TBC1D14: variants seen among roughly 807,000 people sequenced by gnomAD.
The protein encoded by TBC1D14 is TBC1 domain family member 14.
TBC1D14 carries 26 observed loss-of-function variants against 79.0 expected under a neutral mutation model. The ratio of observed to expected loss-of-function variants is 0.33; its 90% CI spans 0.24 to 0.46. TBC1D14 has a LOEUF of 0.46. TBC1D14 is among the 20% of genes least tolerant of loss of function. The pLI, the probability that TBC1D14 is intolerant of heterozygous loss-of-function variation, is 1.00. For missense variants in TBC1D14, 769 were observed against 887.6 expected, an observed-to-expected ratio of 0.87 and a Z score of 1.70; for synonymous variants, 394 against 349.9, an observed-to-expected ratio of 1.13 and a Z score of -1.40.
intron 7 of TBC1D14, among the ~76,000 whole-genome samples, chr4:7,003,779 A>G (rs936356923): frequency 5.9e-5 from 9 of 151,930 alleles, no homozygotes; most frequent in Admixed American, 1.3e-4. Flanking sequence ...GCAGGGGGGA[A>G]TCACCTGAGG....
In TBC1D14 at chr4:7,002,495, G is replaced by A. The variant is rs374165326; in HGVS notation, c.1270+1244G>A. Among the ~76,000 whole-genome samples the A allele has an allele frequency of 4.6e-5, 7 of 152,264 alleles. No homozygotes were observed. The South Asian group carries it at 1.5e-3, about 32-fold the overall frequency. On this transcript the variant is annotated intron_variant, in intron 7 of 13. Transcript: ENST00000409757. ...GTATTGTTTTGGATTGGGCTAAACC[G>A]CTGACGAGTCAGTTACATGTTTAGA...
intron 3 of TBC1D14, among the ~76,000 whole-genome samples, chr4:6,976,754 G>A (rs557099831): frequency 6.6e-6 from 1 of 152,238 alleles, no homozygotes; most frequent in African/African-American, 2.4e-5. Context: ...AAATACAGTA[G>A]ACTATTTTCC....
intron 2 of TBC1D14, among the ~76,000 whole-genome samples, chr4:6,960,358 C>T (rs996646978): frequency 2.0e-5 from 3 of 151,786 alleles, no homozygotes; most frequent in African/African-American, 7.3e-5. Flanking sequence ...TCCCAACATG[C>T]TGGGATAACA....
intron 6 of TBC1D14, among the ~76,000 whole-genome samples, chr4:6,999,429 C>T (rs1019438730): frequency 6.6e-6 from 1 of 152,102 alleles, no homozygotes; most frequent in Non-Finnish European, 1.5e-5. Flanking sequence ...TCTCCTGAGC[C>T]AGCTTCTAAA....
At chr4:6,935,267 T>TTTTG (rs754480416) in intron 2 of TBC1D14, among the ~76,000 whole-genome samples, 4 of 151,104 alleles carry the variant, frequency 2.6e-5, no homozygotes, top group East Asian at 1.9e-4. Flanking sequence ...AAATACAGGG[T>TTTTG]TTTGTTTGTT....
rs370372123 is a variant in TBC1D14 at position 6,995,904 on chromosome 4, TC to T, written c.963-420del. ...CAGGCTGGAGTGCAGTGGCGCGATCTCAGCTCACTGCAAGCTCCGCCTCCTG... is the reference window on the plus strand; with the variant it reads ...CAGGCTGGAGTGCAGTGGCGCGATCTAGCTCACTGCAAGCTCCGCCTCCTG... On this transcript the variant is annotated intron_variant, in intron 4 of 13. Coordinates refer to ENST00000409757, the MANE Select transcript of TBC1D14 (RefSeq NM_020773.3). Among the ~76,000 whole-genome samples the T allele has an allele frequency of 1.9e-4, 29 of 152,098 alleles. No homozygotes were observed. In the East Asian group the frequency reaches 5.2e-3, roughly 27 times the overall value.
At chr4:6,991,553 C>G (rs1334736819) in intron 3 of TBC1D14, among the ~76,000 whole-genome samples, 1 of 152,252 alleles carries the variant, frequency 6.6e-6, no homozygotes, top group Non-Finnish European at 1.5e-5. Flanking sequence ...CTCAGGTAGC[C>G]TGCATCCCTG....
intron 2 of TBC1D14, among the ~76,000 whole-genome samples, chr4:6,933,346 C>T (rs2108953464): frequency 7.1e-6 from 1 of 140,916 alleles, no homozygotes; most frequent in South Asian, 2.4e-4. Flanking sequence ...GCTTTGTCGC[C>T]CAGGCTGGAT....
intron 13 of TBC1D14, among the ~76,000 whole-genome samples, chr4:7,028,040 C>G (rs1454100018): frequency 6.9e-6 from 1 of 145,722 alleles, no homozygotes; most frequent in Admixed American, 6.9e-5. Flanking sequence ...GCACACATCA[C>G]ACACCTACAC....
rs1158222532 is a variant in TBC1D14 at position 7,028,682 on chromosome 4, C to T, written c.2017-1645C>T. 3.3e-5 allele frequency among the ~76,000 whole-genome samples: 5 copies of T among 152,306 alleles called. No homozygotes were observed. The East Asian group carries it at 5.8e-4, about 18-fold the overall frequency. On this transcript the variant is annotated intron_variant, in intron 13 of 13. Coordinates refer to ENST00000409757, the MANE Select transcript of TBC1D14 (RefSeq NM_020773.3). Reference sequence around the variant, plus strand: ...CCTCGCGATCCACCTACCTCAGCCTCCCAAAGTGCTGGGATTATAGGCGTG... The same window carrying T: ...CCTCGCGATCCACCTACCTCAGCCTTCCAAAGTGCTGGGATTATAGGCGTG...
intron 5 of TBC1D14, among the ~76,000 whole-genome samples, chr4:6,998,401 G>T (rs1719291797): frequency 6.6e-6 from 1 of 151,842 alleles, no homozygotes; most frequent in South Asian, 2.1e-4. Flanking sequence ...TTGGAAGTCA[G>T]CATGGAGCTT....
intron 3 of TBC1D14, among the ~76,000 whole-genome samples, chr4:6,990,390 A>G (rs1477545172): frequency 2.0e-5 from 3 of 152,358 alleles, no homozygotes; most frequent in Non-Finnish European, 4.4e-5. Context: ...CAGAGGTTGC[A>G]GTGAGCCAAG....
intron 7 of TBC1D14, among the ~76,000 whole-genome samples, chr4:7,001,959 G>T (rs563292689): frequency 6.6e-6 from 1 of 152,326 alleles, no homozygotes; most frequent in African/African-American, 2.4e-5. Flanking sequence ...CTACCTTCCT[G>T]CTCTTTCTTG....
At chr4:6,917,141 C>T (rs148408439) in intron 1 of TBC1D14, among the ~76,000 whole-genome samples, 2 of 152,212 alleles carry the variant, frequency 1.3e-5, no homozygotes, top group Admixed American at 6.5e-5. Context: ...CAGCTCTCAC[C>T]GAGTTCTTGG....
chr4:7,016,003 C>G (rs1446533506), intron 12 of TBC1D14, among the ~76,000 whole-genome samples: 1 of 152,226 alleles, frequency 6.6e-6, no homozygotes, highest in Admixed American at 6.5e-5. Context: ...TGCCCACTTT[C>G]TTCATCAGGG....
intron 3 of TBC1D14, among the ~76,000 whole-genome samples, chr4:6,974,511 T>A (rs1312300332): frequency 6.6e-6 from 1 of 152,146 alleles, no homozygotes; most frequent in Non-Finnish European, 1.5e-5. Flanking sequence ...CTGAGTAGCT[T>A]ACGTAGACTT....
chr4:7,006,594 C>T lies in TBC1D14; in HGVS notation c.1352-38C>T, dbSNP rs1403206394. 6 of 1,573,694 alleles carry T rather than the reference C, an allele frequency of 3.8e-6. No homozygotes were observed. In the East Asian group the frequency reaches 6.7e-5, roughly 18 times the overall value. ...GCTCGTAATTGTCCTACATTCGTGCCCTTGAGGAATGTAATTATTTTTGGC... is the reference window on the plus strand; with the variant it reads ...GCTCGTAATTGTCCTACATTCGTGCTCTTGAGGAATGTAATTATTTTTGGC... On this transcript the variant is annotated intron_variant, in intron 8 of 13. Transcript: ENST00000409757.
At chr4:7,004,707 TTAAG>T (rs558457265) in intron 7 of TBC1D14, 133 bp from the exon 8 acceptor site, 12 of 691,584 alleles carry the variant, frequency 1.7e-5, no homozygotes, top group African/African-American at 1.1e-4. Context: ...GGGGAATTGT[TTAAG>T]TAGCCTGTTA....
intron 10 of TBC1D14, 72 bp from the exon 11 acceptor site, chr4:7,010,581 T>C: frequency 6.5e-7 from 1 of 1,544,718 alleles, no homozygotes; most frequent in Non-Finnish European, 8.7e-7. Flanking sequence ...GGTTTGTCTT[T>C]GCTAAAAATG....
Sources: gnomAD v4.1 joint callset for allele counts (sites outside exome capture counted in the v4.1 genomes callset) on GRCh38, gnomAD v4.1.1 for gene constraint, MANE v1.5 for transcripts, NCBI Gene and HGNC (gene_info 2026-07-23, HGNC 2026-07-21) for gene names.